TOPAZ1: variants seen among roughly 807,000 people sequenced by gnomAD.
TOPAZ1 encodes the protein protein TOPAZ1.
In TOPAZ1, 66 loss-of-function variants were observed where a neutral mutation model predicts 172.2. That is an observed-to-expected ratio of 0.38 (90% CI 0.31 to 0.47). The LOEUF (loss-of-function observed/expected upper bound fraction) is 0.47, where lower values mean the gene tolerates loss of function less well. Ranked by LOEUF, TOPAZ1 falls within the 20% of genes least tolerant of loss-of-function variation. TOPAZ1 has a pLI of 0.99. For synonymous variants in TOPAZ1, 681 were observed against 683.9 expected, an observed-to-expected ratio of 1.00 and a Z score of 0.07; for missense variants, 1,822 against 1,972.4, an observed-to-expected ratio of 0.92 and a Z score of 1.44.
chr3:44,244,693 C>T lies in TOPAZ1; in HGVS notation c.2187C>T (p.Asn729=), dbSNP rs1159481139. 1.9e-6 allele frequency: 3 copies of T among 1,551,342 alleles called. No individual in the cohort carries two copies. Among genetic ancestry groups the T allele is most frequent in the Non-Finnish European group, 2.6e-6 (3 of 1,146,938 alleles). ...DNLSGADVRQ[N]RSKENVSMMM... ...TATCTGGAGCAGACGTAAGACAGAA[C>T]AGGAGTAAAGAAAATGTCTCCATGA... Residue 729 remains asparagine, a synonymous_variant, in exon 2 of 20, where the codon AAC becomes AAT. Coordinates refer to ENST00000309765, the MANE Select transcript of TOPAZ1 (RefSeq NM_001145030.2).
At chr3:44,329,385 T>A (rs1700638906) in intron 19 of TOPAZ1, among the ~76,000 whole-genome samples, 1 of 152,218 alleles carries the variant, frequency 6.6e-6, no homozygotes, top group Admixed American at 6.5e-5. Context: ...AAATACCTGT[T>A]GGGTGGAAGC....
At chr3:44,313,571 C>A (rs1324441852) in intron 16 of TOPAZ1, among the ~76,000 whole-genome samples, 1 of 148,676 alleles carries the variant, frequency 6.7e-6, no homozygotes, top group Non-Finnish European at 1.5e-5. Flanking sequence ...GAGCCAAGAT[C>A]ACGCCACTGC....
intron 1 of TOPAZ1, 125 bp downstream of exon 1, chr3:44,242,524 G>T (rs1575701459): frequency 1.9e-6 from 2 of 1,077,420 alleles, no homozygotes; most frequent in Admixed American, 2.7e-5. Context: ...TTGACCAGGA[G>T]ATGGGAAAAA....
intron 16 of TOPAZ1, among the ~76,000 whole-genome samples, chr3:44,314,900 C>G (rs542039129): frequency 1.3e-5 from 2 of 152,130 alleles, no homozygotes; most frequent in African/African-American, 4.8e-5. Context: ...AGACCACTGC[C>G]CTACATCACT....
intron 12 of TOPAZ1, among the ~76,000 whole-genome samples, chr3:44,298,907 A>ATG (rs1700232291): frequency 7.4e-5 from 1 of 13,540 alleles, no homozygotes; most frequent in African/African-American, 4.1e-4. Flanking sequence ...ATATATATAT[A>ATG]TATTTTTTTT....
intron 16 of TOPAZ1, among the ~76,000 whole-genome samples, 178 bp downstream of exon 16, chr3:44,310,168 AAAG>A (rs2125701423): frequency 6.6e-6 from 1 of 152,346 alleles, no homozygotes; most frequent in Admixed American, 6.5e-5. Flanking sequence ...ACTTAGCCTT[AAAG>A]AAGAAATTAT....
At chr3:44,313,515 G>C (rs999561216) in intron 16 of TOPAZ1, among the ~76,000 whole-genome samples, 4 of 151,492 alleles carry the variant, frequency 2.6e-5, no homozygotes, top group Non-Finnish European at 5.9e-5. Flanking sequence ...TACTCTGGAG[G>C]CTGAGACAGG....
At chr3:44,259,757 T>C (rs941658259) in intron 4 of TOPAZ1, among the ~76,000 whole-genome samples, 1 of 152,224 alleles carries the variant, frequency 6.6e-6, no homozygotes, top group Non-Finnish European at 1.5e-5. Context: ...TAATTTTTTG[T>C]CCATCTGCTT....
At chr3:44,279,329 G>T (rs2125690014) in intron 8 of TOPAZ1, among the ~76,000 whole-genome samples, 1 of 152,262 alleles carries the variant, frequency 6.6e-6, no homozygotes, top group East Asian at 1.9e-4. Context: ...TGTCTGTTAG[G>T]TCCTTTGATT....
chr3:44,294,884 T>C (rs1172553827), intron 12 of TOPAZ1, among the ~76,000 whole-genome samples: 1 of 152,228 alleles, frequency 6.6e-6, no homozygotes, highest in Non-Finnish European at 1.5e-5. Flanking sequence ...TAGAAAGAAT[T>C]TTAACATTTA....
Position 44,287,509 on chromosome 3 carries a change from T to C in TOPAZ1, c.3557T>C (p.Ile1186Thr). The C allele has an allele frequency of 2.0e-6, 3 of 1,521,542 alleles. No individual in the cohort carries two copies. Among genetic ancestry groups the C allele is most frequent in the Non-Finnish European group, 2.6e-6 (3 of 1,134,444 alleles). The allele number at this position is 1,521,542 out of a possible 1,614,324, so 94.3% of individuals were successfully genotyped here. The change falls in exon 10 of 20, where the codon ATA (isoleucine) becomes ACA (threonine). Residue 1186 changes from isoleucine (I) to threonine (T), a missense_variant. This residue lies in a region of TOPAZ1 where 1,489 missense variants were observed against 1,490.8 expected (regional missense o/e 1.00). Coordinates refer to ENST00000309765, the MANE Select transcript of TOPAZ1 (RefSeq NM_001145030.2). ...TGTTTGTTGAAAGAAGTATTTCAGATAGTGAACCTCAGCATAATGGTTAAA... is the reference window on the plus strand; with the variant it reads ...TGTTTGTTGAAAGAAGTATTTCAGACAGTGAACCTCAGCATAATGGTTAAA... ...KHCLLKEVFQ[I>T]VNLSIMVKML... is the part of the protein sequence containing the mutation.
chr3:44,300,994 ATTGTG>A (rs546106110), intron 12 of TOPAZ1, among the ~76,000 whole-genome samples: 55 of 152,326 alleles, frequency 3.6e-4, no homozygotes, highest in African/African-American at 1.3e-3. Flanking sequence ...TCTCAAGGGA[ATTGTG>A]TTGAATTTTA....
chr3:44,244,846 C>A lies in TOPAZ1; in HGVS notation c.2340C>A (p.Ser780Arg). 1 of 1,551,658 alleles carries A rather than the reference C, an allele frequency of 6.4e-7. No individual in the cohort carries two copies. Among genetic ancestry groups the A allele is most frequent in the South Asian group, 1.2e-5 (1 of 84,064 alleles). ...GCTTTACAAAGCAAGGTAACAATAG[C>A]AAACCATCTAATCACGTCTCTGAAC... ...SPSFTKQGNN[S>R]KPSNHVSEPG... is the part of the protein sequence containing the mutation. The change falls in exon 2 of 20, where the codon AGC (serine) becomes AGA (arginine). Residue 780 changes from serine (S) to arginine (R), a missense_variant. This residue lies in a region of TOPAZ1 where 1,489 missense variants were observed against 1,490.8 expected (regional missense o/e 1.00). Coordinates refer to ENST00000309765, the MANE Select transcript of TOPAZ1 (RefSeq NM_001145030.2).
chr3:44,333,881 A>C (rs1264116115), downstream of TOPAZ1, among the ~76,000 whole-genome samples: 1 of 152,228 alleles, frequency 6.6e-6, no homozygotes, highest in African/African-American at 2.4e-5. Context: ...CTTCAGCAAG[A>C]GAGGACTGAG....
rs191510041 is a variant in TOPAZ1 at position 44,243,739 on chromosome 3, T to C, written c.1233T>C (p.His411=). 4.6e-5 allele frequency: 71 copies of C among 1,551,650 alleles called. No homozygotes were observed. In the East Asian group the frequency reaches 1.5e-3, roughly 33 times the overall value. Residue 411 remains histidine, a synonymous_variant, in exon 2 of 20, where the codon CAT becomes CAC. Transcript: ENST00000309765. ...AAAAAGAAACAAGTTCTGAACATCA[T>C]GTAAATGCTGTGTTTCAGAAAACCA... ...TVEKETSSEH[H]VNAVFQKTIE... is the part of the protein sequence containing the mutation.
intron 16 of TOPAZ1, among the ~76,000 whole-genome samples, chr3:44,311,560 G>A (rs1420700090): frequency 2.6e-5 from 4 of 152,096 alleles, no homozygotes; most frequent in Admixed American, 6.5e-5. Context: ...CAATGTTTCC[G>A]TTTTAGACTA....
intron 18 of TOPAZ1, among the ~76,000 whole-genome samples, chr3:44,325,030 G>A (rs1038718481): frequency 2.6e-5 from 4 of 152,276 alleles, no homozygotes; most frequent in African/African-American, 7.2e-5. Context: ...TTTAAGGAAT[G>A]TACTTGAATT....
At position 44,328,505 on chromosome 3, in the gene TOPAZ1, T is replaced by A. The variant is rs1225604002; in HGVS notation, c.4859+72T>A. The A allele has an allele frequency of 7.5e-6, 6 of 801,966 alleles. No homozygotes were observed. In the East Asian group the frequency reaches 1.9e-4, roughly 26 times the overall value. 49.7% of individuals were successfully genotyped at this position (801,966 alleles called of 1,614,324 possible). Reference sequence around the variant, plus strand: ...CCCCACACCCACCCTAAGATGTAAATGTTTTATGTGTTTTTATACATACAT... The same window carrying A: ...CCCCACACCCACCCTAAGATGTAAAAGTTTTATGTGTTTTTATACATACAT... On this transcript the variant is annotated intron_variant, in intron 19 of 19. Coordinates refer to ENST00000309765, the MANE Select transcript of TOPAZ1 (RefSeq NM_001145030.2).
At chr3:44,282,757 C>G (rs1700038010) in intron 9 of TOPAZ1, among the ~76,000 whole-genome samples, 1 of 152,072 alleles carries the variant, frequency 6.6e-6, no homozygotes, top group Non-Finnish European at 1.5e-5. Flanking sequence ...TCATATATTT[C>G]TGCTTGAGAT....
Sources: gnomAD v4.1 joint callset for allele counts (sites outside exome capture counted in the v4.1 genomes callset) on GRCh38, gnomAD v4.1.1 for gene constraint, gnomAD v4.1.1 regional missense constraint, MANE v1.5 for transcripts, NCBI Gene and HGNC (gene_info 2026-07-23, HGNC 2026-07-21) for gene names.